The following NKAIN2 variants were observed in gnomAD, a reference collection of about 807,000 sequenced individuals.
NKAIN2 encodes sodium/potassium-transporting ATPase subunit beta-1-interacting protein 2.
In NKAIN2, 14 loss-of-function variants were observed where a neutral mutation model predicts 32.6. The observed-to-expected ratio is 0.43, with a 90% confidence interval of 0.28 to 0.67. The LOEUF is 0.67. Among genes scored for constraint, NKAIN2 ranks in the 30% least tolerant of loss-of-function variants. The probability of loss-of-function intolerance (pLI) is 0.17; values close to 1 mark genes in which losing one functional copy is unlikely to be tolerated. For synonymous variants in NKAIN2, 80 were observed against 87.2 expected, an observed-to-expected ratio of 0.92 and a Z score of 0.46; for missense variants, 198 against 258.3, an observed-to-expected ratio of 0.77 and a Z score of 1.60.
intron 1 of NKAIN2, among the ~76,000 whole-genome samples, chr6:123,829,959 C>T (rs543463087): frequency 1.3e-5 from 2 of 152,170 alleles, no homozygotes; most frequent in African/African-American, 4.8e-5. Flanking sequence ...TTACCCTTAA[C>T]CCTTATATCA....
intron 3 of NKAIN2, among the ~76,000 whole-genome samples, chr6:124,615,338 G>C (rs963630027): frequency 2.0e-5 from 3 of 152,158 alleles, no homozygotes; most frequent in African/African-American, 7.2e-5. Context: ...TATTTGATTT[G>C]TAGTTTGATG....
intron 1 of NKAIN2, 100 bp from the exon 2 acceptor site, chr6:124,282,905 A>G (rs769345407): frequency 4.5e-4 from 452 of 993,708 alleles, no homozygotes; most frequent in Non-Finnish European, 6.5e-4. Context: ...TAACACAGTT[A>G]TAAGTGCTAA....
intron 1 of NKAIN2, among the ~76,000 whole-genome samples, chr6:123,990,030 G>C (rs1779343553): frequency 6.6e-6 from 1 of 152,166 alleles, no homozygotes; most frequent in African/African-American, 2.4e-5. Context: ...CAATCATGGA[G>C]GGAAGGCAAA....
chr6:124,020,405 G>A (rs1355492131), intron 1 of NKAIN2, among the ~76,000 whole-genome samples: 1 of 152,032 alleles, frequency 6.6e-6, no homozygotes, highest in African/African-American at 2.4e-5. Context: ...ATGAAGATCA[G>A]GGACAACACT....
chr6:123,896,710 G>A (rs1202814817), intron 1 of NKAIN2, among the ~76,000 whole-genome samples: 2 of 152,126 alleles, frequency 1.3e-5, no homozygotes, highest in Non-Finnish European at 2.9e-5. Context: ...CTATGTAAAT[G>A]TTAGTTTTCT....
intron 1 of NKAIN2, among the ~76,000 whole-genome samples, chr6:124,103,690 G>GT (rs933579359): frequency 6.4e-4 from 97 of 152,182 alleles, no homozygotes; most frequent in African/African-American, 2.1e-3. Flanking sequence ...GCATTAAAAG[G>GT]TTTTTTTGTA....
intron 1 of NKAIN2, among the ~76,000 whole-genome samples, chr6:124,116,085 A>C (rs967203393): frequency 4.6e-5 from 7 of 152,234 alleles, no homozygotes; most frequent in Non-Finnish European, 8.8e-5. Context: ...TTCAGCTCTT[A>C]GAGATCAGTA....
At chr6:124,265,713 G>A (rs1292216052) in intron 1 of NKAIN2, among the ~76,000 whole-genome samples, 1 of 152,198 alleles carries the variant, frequency 6.6e-6, no homozygotes, top group Non-Finnish European at 1.5e-5. Context: ...TTACAGGGCT[G>A]TAATTACGTA....
chr6:124,609,648 GC>G (rs1430778676), intron 3 of NKAIN2, among the ~76,000 whole-genome samples: 1 of 151,780 alleles, frequency 6.6e-6, no homozygotes, highest in African/African-American at 2.4e-5. Flanking sequence ...CCACTAGCTT[GC>G]CCCCCTCCGG....
At chr6:124,717,871 G>A (rs901116500) in intron 4 of NKAIN2, among the ~76,000 whole-genome samples, 13 of 152,188 alleles carry the variant, frequency 8.5e-5, no homozygotes, top group East Asian at 5.8e-4. Flanking sequence ...GATATTTTCC[G>A]TAAAACAAGA....
intron 1 of NKAIN2, among the ~76,000 whole-genome samples, chr6:123,862,227 G>C (rs1775812397): frequency 6.6e-6 from 1 of 152,144 alleles, no homozygotes; most frequent in Admixed American, 6.6e-5. Flanking sequence ...TTATGGGGTT[G>C]CCTCATGCTC....
intron 3 of NKAIN2, among the ~76,000 whole-genome samples, chr6:124,413,924 T>G (rs1774340530): frequency 6.6e-6 from 1 of 152,158 alleles, no homozygotes; most frequent in Admixed American, 6.5e-5. Context: ...CCAGAAGCAC[T>G]TTTTGTAGAT....
intron 1 of NKAIN2, among the ~76,000 whole-genome samples, chr6:124,078,424 G>A (rs1262676061): frequency 1.3e-5 from 2 of 152,056 alleles, no homozygotes; most frequent in South Asian, 2.1e-4. Flanking sequence ...TTAACCCATT[G>A]ACTCTTATAA....
At chr6:124,379,379 AAAGAAGGGAGG>A (rs1800159956) in intron 3 of NKAIN2, among the ~76,000 whole-genome samples, 1 of 140,326 alleles carries the variant, frequency 7.1e-6, no homozygotes, top group Non-Finnish European at 1.6e-5. Flanking sequence ...AGAAGGGAGG[AAAGAAGGGAGG>A]AAGGAGGGAG....
chr6:123,986,628 T>G lies in NKAIN2; in HGVS notation c.54+182374T>G, dbSNP rs1460561460. Among the ~76,000 whole-genome samples the G allele has an allele frequency of 2.0e-5, 3 of 152,286 alleles. No individual in the cohort carries two copies. The East Asian group carries it at 5.8e-4, about 29-fold the overall frequency. On this transcript the variant is annotated intron_variant, in intron 1 of 6. Transcript: ENST00000368417. ...AAAAAATTTATGCTCAGGCCCCACTTCAGGCCAATTAGATTATTACCGCTG... is the reference window on the plus strand; with the variant it reads ...AAAAAATTTATGCTCAGGCCCCACTGCAGGCCAATTAGATTATTACCGCTG...
chr6:123,939,392 T>G (rs1000801462), intron 1 of NKAIN2, among the ~76,000 whole-genome samples: 1 of 152,000 alleles, frequency 6.6e-6, no homozygotes, highest in African/African-American at 2.4e-5. Flanking sequence ...CATATCCTCA[T>G]AACCCATTTA....
chr6:124,189,248 G>A (rs1789897408), intron 1 of NKAIN2, among the ~76,000 whole-genome samples: 1 of 152,090 alleles, frequency 6.6e-6, no homozygotes, highest in African/African-American at 2.4e-5. Flanking sequence ...TGAAAAGTAA[G>A]AATGGCCTTT....
At chr6:124,716,680 C>T (rs1775772427) in intron 4 of NKAIN2, among the ~76,000 whole-genome samples, 1 of 152,172 alleles carries the variant, frequency 6.6e-6, no homozygotes, top group Admixed American at 6.5e-5. Flanking sequence ...GGGCTTAGCA[C>T]CTGCCCTTCC....
chr6:124,036,305 CA>C (rs1781602702), intron 1 of NKAIN2, among the ~76,000 whole-genome samples: 1 of 152,076 alleles, frequency 6.6e-6, no homozygotes, highest in African/African-American at 2.4e-5. Context: ...GTTTGAAACA[CA>C]AATATTTTCC....
Sources: gnomAD v4.1 joint callset for allele counts (sites outside exome capture counted in the v4.1 genomes callset) on GRCh38, gnomAD v4.1.1 for gene constraint, MANE v1.5 for transcripts, NCBI Gene and HGNC (gene_info 2026-07-23, HGNC 2026-07-21) for gene names.